Variants in ECT2L observed in about 807,000 individuals in gnomAD.
The protein encoded by ECT2L is epithelial cell-transforming sequence 2 oncogene-like.
A neutral mutation model predicts 122.8 loss-of-function variants in ECT2L; 126 were observed. The observed-to-expected ratio is 1.03, with a 90% CI of 0.89 to 1.19. The LOEUF is 1.19. ECT2L is among the 50% of genes most tolerant of loss of function. The pLI, the probability that ECT2L is intolerant of heterozygous loss-of-function variation, is 0.00. For synonymous variants in ECT2L, 385 were observed against 381.8 expected (o/e 1.01, Z -0.10); for missense variants, 1,012 against 1,064.1 (o/e 0.95, Z 0.68).
intron 11 of ECT2L, 116 bp downstream of exon 11, chr6:138,862,835 A>C: frequency 1.3e-6 from 1 of 763,068 alleles, no homozygotes; most frequent in South Asian, 1.9e-5. Flanking sequence ...ACTCTCTTTC[A>C]TTCCTCCCCT....
intron 4 of ECT2L, among the ~76,000 whole-genome samples, chr6:138,820,819 G>C (rs17796058): frequency 0.045 from 6,876 of 152,252 alleles, 208 homozygotes; most frequent in Non-Finnish European, 0.07. Flanking sequence ...TCAGTGCTTT[G>C]AATTTGATGT....
At chr6:138,867,117 T>C (rs1012229864) in intron 12 of ECT2L, among the ~76,000 whole-genome samples, 2 of 151,456 alleles carry the variant, frequency 1.3e-5, no homozygotes, top group Non-Finnish European at 3.0e-5. Flanking sequence ...AAATGCCTAC[T>C]TGAGCGCAGA....
chr6:138,892,507 T>C (rs1001031319), intron 20 of ECT2L, among the ~76,000 whole-genome samples: 2 of 152,170 alleles, frequency 1.3e-5, no homozygotes, highest in Non-Finnish European at 2.9e-5. Context: ...TTATAATTTT[T>C]TTGAAACAGA....
chr6:138,807,897 C>G lies in ECT2L; in HGVS notation c.-243-4941C>G, dbSNP rs192347094. ...TATTTGTTTGTTCATGTGCCAATAC[C>G]TCATGCTGTTATTTACACTAGCTTT... On this transcript the variant is annotated intron_variant, in intron 1 of 21. Coordinates refer to ENST00000541398, the MANE Select transcript of ECT2L (RefSeq NM_001077706.3). Among the ~76,000 whole-genome samples, 25 of 151,930 alleles carry G rather than the reference C, an allele frequency of 1.6e-4. No homozygotes were observed. In the East Asian group the frequency reaches 4.5e-3, roughly 27 times the overall value.
At chr6:138,805,385 A>G (rs759845783) in intron 1 of ECT2L, among the ~76,000 whole-genome samples, 2 of 152,222 alleles carry the variant, frequency 1.3e-5, no homozygotes, top group Non-Finnish European at 2.9e-5. Context: ...ACATATACCA[A>G]TTTGCACTTT....
At chr6:138,846,713 GTTTTTTT>G (rs773771788) in intron 8 of ECT2L, 36 bp downstream of exon 8, 1 of 1,416,918 alleles carries the variant, frequency 7.1e-7, no homozygotes. Flanking sequence ...TGTCCTGATT[GTTTTTTT>G]GTTTTTTGTT....
At chr6:138,810,301 T>C (rs1775848437) in intron 1 of ECT2L, among the ~76,000 whole-genome samples, 2 of 152,194 alleles carry the variant, frequency 1.3e-5, no homozygotes, top group African/African-American at 4.8e-5. Flanking sequence ...CTGAAAACTA[T>C]GTCTACTGGC....
At chr6:138,814,802 G>A (rs531010938) in intron 4 of ECT2L, among the ~76,000 whole-genome samples, 199 bp downstream of exon 4, 1 of 152,302 alleles carries the variant, frequency 6.6e-6, no homozygotes, top group East Asian at 1.9e-4. Context: ...AGGATTTAAT[G>A]CTTTCATACT....
intron 4 of ECT2L, among the ~76,000 whole-genome samples, chr6:138,821,531 G>T (rs1164889638): frequency 6.6e-6 from 1 of 152,230 alleles, no homozygotes; most frequent in African/African-American, 2.4e-5. Context: ...GTGGCCAGGG[G>T]ATTGGCCTGT....
chr6:138,879,725 T>C (rs6918466), intron 14 of ECT2L, among the ~76,000 whole-genome samples: 8,447 of 152,020 alleles, frequency 0.056, 741 homozygotes, highest in African/African-American at 0.19. Flanking sequence ...GAGGCTGAGG[T>C]GGGTGGATCA....
intron 4 of ECT2L, among the ~76,000 whole-genome samples, chr6:138,821,420 T>G (rs1325461327): frequency 1.3e-5 from 2 of 152,130 alleles, no homozygotes; most frequent in African/African-American, 2.4e-5. Flanking sequence ...GCTTTCTCCT[T>G]CCATTCCCTC....
At chr6:138,892,068 T>C (rs1252235533) in intron 20 of ECT2L, among the ~76,000 whole-genome samples, 2 of 152,192 alleles carry the variant, frequency 1.3e-5, no homozygotes, top group African/African-American at 2.4e-5. Flanking sequence ...ATTATGCATA[T>C]GATTTGCCTT....
At chr6:138,886,202 T>C (rs1306176579) in intron 18 of ECT2L, among the ~76,000 whole-genome samples, 1 of 149,208 alleles carries the variant, frequency 6.7e-6, no homozygotes, top group African/African-American at 2.6e-5. Context: ...GTGAGTACAA[T>C]GGTCATAATT....
chr6:138,842,585 C>A (rs1777078259), intron 5 of ECT2L, among the ~76,000 whole-genome samples: 1 of 152,104 alleles, frequency 6.6e-6, no homozygotes, highest in Admixed American at 6.5e-5. Context: ...TCCTGGCTAA[C>A]ACGGTGAAAC....
rs1554276975 is a variant in ECT2L at position 138,873,890 on chromosome 6, G to GTGTGTGTGTGTGTGTGTGTA, written c.1579-2563_1579-2562insATGTGTGTGTGTGTGTGTGT. 4.7e-3 allele frequency among the ~76,000 whole-genome samples: 613 copies of GTGTGTGTGTGTGTGTGTGTA among 130,716 alleles called. 6 individuals are homozygous for GTGTGTGTGTGTGTGTGTGTA. Among genetic ancestry groups the GTGTGTGTGTGTGTGTGTGTA allele is most frequent in the Middle Eastern group, 7.4e-3 (2 of 272 alleles). 85.8% of individuals were successfully genotyped at this position (130,716 alleles called of 152,430 possible). On this transcript the variant is annotated intron_variant, in intron 13 of 21. Coordinates refer to ENST00000541398, the MANE Select transcript of ECT2L (RefSeq NM_001077706.3). Reference sequence around the variant, plus strand: ...TCCAGGACTGTGTGTGTGTGTGTGTGTGTGTGTGTGTGTGTGTGTGTGTGT... The same window carrying GTGTGTGTGTGTGTGTGTGTA: ...TCCAGGACTGTGTGTGTGTGTGTGTGTGTGTGTGTGTGTGTGTGTATGTGTGTGTGTGTGTGTGTGTGTGT...
intron 20 of ECT2L, among the ~76,000 whole-genome samples, chr6:138,897,487 G>A (rs1055431741): frequency 7.9e-5 from 12 of 152,058 alleles, no homozygotes; most frequent in Non-Finnish European, 5.9e-5. Flanking sequence ...GGAGGTCCTG[G>A]AACACATTCC....
rs1472486202 is a variant in ECT2L, at chr6:138,868,013, A to AG, written c.1475-90_1475-89insG. 6.1e-4 allele frequency: 500 copies of AG among 822,534 alleles called. 8 individuals are homozygous for AG. Among genetic ancestry groups the AG allele is most frequent in the Non-Finnish European group, 7.6e-4 (433 of 570,424 alleles). 51.0% of individuals were successfully genotyped at this position (822,534 alleles called of 1,614,324 possible). A position where few individuals can be genotyped will look rare whatever the true frequency, so the allele number is the denominator to read the frequency against. On this transcript the variant is annotated intron_variant, in intron 12 of 21. Coordinates refer to ENST00000541398, the MANE Select transcript of ECT2L (RefSeq NM_001077706.3). Reference sequence around the variant, plus strand: ...AGATTCTGTCTCAAAAAAAAAAAAAAAAAAAAGAAACTGTGAGGACTGAGT... The same window carrying AG: ...AGATTCTGTCTCAAAAAAAAAAAAAAGAAAAAAGAAACTGTGAGGACTGAGT...
intron 12 of ECT2L, among the ~76,000 whole-genome samples, chr6:138,867,440 T>TGAGGTGGGCAGATTGCTTGAGGCCAG (rs1165918856): frequency 1.3e-5 from 2 of 151,922 alleles, no homozygotes; most frequent in Admixed American, 6.6e-5. Context: ...TTTGGGAGGC[T>TGAGGTGGGCAGATTGCTTGAGGCCAG]GAGGTGGGCA....
At chr6:138,875,938 T>A (rs1053597689) in intron 13 of ECT2L, among the ~76,000 whole-genome samples, 1 of 152,044 alleles carries the variant, frequency 6.6e-6, no homozygotes, top group African/African-American at 2.4e-5. Flanking sequence ...CTGGCCAACA[T>A]GGTGAAACCC....
Sources: allele counts gnomAD v4.1 joint callset (sites outside exome capture counted in the v4.1 genomes callset), GRCh38; gene constraint gnomAD v4.1.1; transcripts MANE v1.5; gene names NCBI Gene and HGNC (gene_info 2026-07-23, HGNC 2026-07-21).